Variants in CREBRF observed in about 807,000 individuals in gnomAD.
The protein encoded by CREBRF is CREB3 regulatory factor, also known as UPF0474 protein C5orf41.
CREBRF carries 5 observed loss-of-function variants against 66.1 expected under a neutral mutation model. The ratio of observed to expected loss-of-function variants is 0.08; its 90% CI spans 0.04 to 0.16. The LOEUF (loss-of-function observed/expected upper bound fraction) is 0.16, where lower values mean the gene tolerates loss of function less well. CREBRF is among the 10% of genes least tolerant of loss of function. The pLI is 1.00. For missense variants in CREBRF, 531 were observed against 744.9 expected, an observed-to-expected ratio of 0.71 and a Z score of 3.34; for synonymous variants, 229 against 264.4, an observed-to-expected ratio of 0.87 and a Z score of 1.30.
In CREBRF at chr5:173,136,803, G is replaced by A. The variant is rs981083424; in HGVS notation, c.*3058G>A. The A allele has an allele frequency of 2.0e-5, 3 of 152,368 alleles. No homozygotes were observed. The highest frequency in any genetic ancestry group is 7.2e-5 in the African/African-American group (3 of 41,402). The allele number at this position is 152,368 out of a possible 1,614,324, so 9.4% of individuals were successfully genotyped here. A position where few individuals can be genotyped will look rare whatever the true frequency, so the allele number is the denominator to read the frequency against. On this transcript the variant is annotated 3_prime_UTR_variant, in exon 9 of 9. Coordinates refer to ENST00000296953, the MANE Select transcript of CREBRF (RefSeq NM_153607.3). The stretch of plus-strand genomic sequence containing the variant: ...TTTGGGTGAAGATCATTAGAGAAGA[G>A]TTCTCTAAAGGTTTTCTGTGTTCAT...
chr5:173,129,630 C>T (rs1005720578), intron 8 of CREBRF, among the ~76,000 whole-genome samples: 4 of 148,624 alleles, frequency 2.7e-5, no homozygotes, highest in South Asian at 2.1e-4. Flanking sequence ...GAGACTGAGG[C>T]GAGAGGATCG....
chr5:173,105,908 G>A (rs1226486418), intron 4 of CREBRF, among the ~76,000 whole-genome samples: 3 of 151,698 alleles, frequency 2.0e-5, no homozygotes, highest in South Asian at 2.1e-4. Flanking sequence ...ATGAGCCACC[G>A]TGCCTGGCCA....
intron 1 of CREBRF, among the ~76,000 whole-genome samples, chr5:173,064,236 T>G (rs1757367885): frequency 6.6e-6 from 1 of 152,184 alleles, no homozygotes; most frequent in Admixed American, 6.5e-5. Context: ...ACTGAGAAAT[T>G]TAAAGCATTA....
intron 2 of CREBRF, among the ~76,000 whole-genome samples, chr5:173,084,377 G>C (rs189349855): frequency 6.6e-6 from 1 of 152,244 alleles, no homozygotes; most frequent in Admixed American, 6.5e-5. Flanking sequence ...TGGAACCAGG[G>C]AACAGCTTCA....
Position 173,110,623 on chromosome 5 carries a change from A to G in CREBRF, c.1519A>G (p.Lys507Glu). The G allele has an allele frequency of 6.2e-7, 1 of 1,614,084 alleles. No individual in the cohort carries two copies. Among genetic ancestry groups the G allele is most frequent in the Non-Finnish European group, 8.5e-7 (1 of 1,179,926 alleles). ...AGGCAATGAACTTCGGAAACTGAAT[A>G]AGGTGATTAGTGACCTGACTCCAGT... is the stretch of plus-strand genomic sequence containing the variant. ...QIGNELRKLNKVISDLTPVSE... is the reference protein window; with the variant it reads ...QIGNELRKLNEVISDLTPVSE... The change falls in exon 6 of 9, where the codon AAG (lysine) becomes GAG (glutamate). Residue 507 changes from lysine to glutamate, a missense_variant. Lys to Glu is a moderately conservative substitution (Grantham distance 56). Coordinates refer to ENST00000296953, the MANE Select transcript of CREBRF (RefSeq NM_153607.3).
chr5:173,095,748 C>T (rs1318553305), intron 4 of CREBRF, among the ~76,000 whole-genome samples: 1 of 151,432 alleles, frequency 6.6e-6, no homozygotes, highest in South Asian at 2.1e-4. Flanking sequence ...CAGTTTCTTT[C>T]ACCAATGTTG....
At chr5:173,074,840 C>T (rs564662520) in intron 1 of CREBRF, among the ~76,000 whole-genome samples, 7 of 152,136 alleles carry the variant, frequency 4.6e-5, no homozygotes, top group African/African-American at 7.2e-5. Context: ...AGGCTGGTCT[C>T]GAACTCCTGA....
intron 2 of CREBRF, among the ~76,000 whole-genome samples, chr5:173,082,751 TAC>T (rs1484033805): frequency 2.7e-5 from 4 of 147,428 alleles, no homozygotes; most frequent in Non-Finnish European, 4.5e-5. Flanking sequence ...CTACTAAAAA[TAC>T]AAAAATTAGG....
intron 8 of CREBRF, among the ~76,000 whole-genome samples, chr5:173,129,394 G>A (rs1422058524): frequency 2.0e-5 from 3 of 152,128 alleles, no homozygotes; most frequent in South Asian, 2.1e-4. Flanking sequence ...GGGATTACAG[G>A]CATGAGCCAC....
intron 1 of CREBRF, among the ~76,000 whole-genome samples, chr5:173,079,871 A>C (rs1283881498): frequency 7.2e-5 from 11 of 152,214 alleles, no homozygotes; most frequent in Non-Finnish European, 7.3e-5. Flanking sequence ...GGGAAAAAAC[A>C]CTAACATTTA....
In CREBRF at chr5:173,120,125, T is replaced by C. The variant is rs966430057; in HGVS notation, c.1682-2955T>C. Among the ~76,000 whole-genome samples the C allele has an allele frequency of 2.0e-5, 3 of 152,146 alleles. No individual in the cohort carries two copies. The East Asian group carries it at 5.8e-4, about 29-fold the overall frequency. ...TATTGGTCTATGATTTTTATTTTCT[T>C]TTTTTTAAAAGGTTTTAGTACCAGG... On this transcript the variant is annotated intron_variant, in intron 7 of 8. Coordinates refer to ENST00000296953, the MANE Select transcript of CREBRF (RefSeq NM_153607.3).
At chr5:173,062,747 C>CTTTT (rs35042056) in intron 1 of CREBRF, among the ~76,000 whole-genome samples, 9 of 118,710 alleles carry the variant, frequency 7.6e-5, no homozygotes, top group Non-Finnish European at 1.2e-4. Context: ...TAAAATCATT[C>CTTTT]TTTTTTTTTT....
chr5:173,117,179 G>T (rs942762297), intron 7 of CREBRF, among the ~76,000 whole-genome samples: 3 of 151,944 alleles, frequency 2.0e-5, no homozygotes, highest in Admixed American at 6.6e-5. Context: ...AGGAGTTCGA[G>T]ACCAGCCTGG....
chr5:173,112,293 CT>C lies in CREBRF; in HGVS notation c.1608-11del. 2 of 1,564,316 alleles carry C rather than the reference CT, an allele frequency of 1.3e-6. No individual in the cohort carries two copies. The highest frequency in any genetic ancestry group is 1.8e-4 in the Middle Eastern group (1 of 5,452). Reference sequence around the variant, plus strand: ...GAAAAAGAAAGTGAACTAACTGCTCCTTCCTTTCACAGAGCTTGTCGGTTAA... The same window carrying C: ...GAAAAAGAAAGTGAACTAACTGCTCCTCCTTTCACAGAGCTTGTCGGTTAA... On this transcript the variant is annotated splice_polypyrimidine_tract_variant and intron_variant, in intron 6 of 8. Transcript: ENST00000296953.
chr5:173,082,584 T>C (rs894741297), intron 2 of CREBRF, among the ~76,000 whole-genome samples: 3 of 148,944 alleles, frequency 2.0e-5, no homozygotes, highest in Non-Finnish European at 3.0e-5. Context: ...TGCAGAAACT[T>C]GCAAAAAAAA....
intron 4 of CREBRF, among the ~76,000 whole-genome samples, chr5:173,100,908 C>T (rs777714908): frequency 1.3e-5 from 2 of 152,176 alleles, no homozygotes; most frequent in Non-Finnish European, 2.9e-5. Flanking sequence ...TGGTCTTGAA[C>T]TCCTGAGCTT....
intron 7 of CREBRF, among the ~76,000 whole-genome samples, chr5:173,115,870 A>G (rs1758977700): frequency 6.6e-6 from 1 of 151,966 alleles, no homozygotes; most frequent in Non-Finnish European, 1.5e-5. Flanking sequence ...TCGGCCTCCC[A>G]AAGTGCTGGG....
chr5:173,132,405 TCC>T (rs1561585530), intron 8 of CREBRF, among the ~76,000 whole-genome samples: 1 of 45,098 alleles, frequency 2.2e-5, no homozygotes, highest in Non-Finnish European at 4.0e-5. Flanking sequence ...CTTTTTCCTT[TCC>T]CTCCCCTCCC....
chr5:173,059,416 C>G (rs944728783), intron 1 of CREBRF, among the ~76,000 whole-genome samples: 2 of 151,824 alleles, frequency 1.3e-5, no homozygotes, highest in Non-Finnish European at 2.9e-5. Context: ...AGGCGCCCAC[C>G]ACCACGCCCG....
Sources: allele counts gnomAD v4.1 joint callset (sites outside exome capture counted in the v4.1 genomes callset), GRCh38; gene constraint gnomAD v4.1.1; transcripts MANE v1.5; gene names NCBI Gene and HGNC (gene_info 2026-07-23, HGNC 2026-07-21).